ULK4: variants seen among roughly 807,000 people sequenced by gnomAD.
ULK4 encodes the protein unc-51 like kinase 4.
Under a neutral mutation model 160.6 loss-of-function variants are expected in ULK4, and 133 were observed. The observed-to-expected ratio is 0.83, with a 90% CI of 0.72 to 0.96. The LOEUF is 0.96. Ranked by LOEUF, ULK4 falls within the 40% of genes least tolerant of loss-of-function variation. ULK4 has a pLI of 0.00. For synonymous variants in ULK4, 534 were observed against 539.8 expected, an observed-to-expected ratio of 0.99 and a Z score of 0.15; for missense variants, 1,580 against 1,499.5, an observed-to-expected ratio of 1.05 and a Z score of -0.89.
At chr3:41,261,778 C>T (rs2078949236) in intron 35 of ULK4, among the ~76,000 whole-genome samples, 1 of 152,148 alleles carries the variant, frequency 6.6e-6, no homozygotes, top group Admixed American at 6.5e-5. Flanking sequence ...GTGTACTGTC[C>T]AGTAAGCTGT....
intron 20 of ULK4, among the ~76,000 whole-genome samples, chr3:41,790,535 A>G (rs1275560480): frequency 6.6e-6 from 1 of 152,244 alleles, no homozygotes; most frequent in Non-Finnish European, 1.5e-5. Flanking sequence ...AAGTCAACAA[A>G]AGGTACATAA....
In ULK4 at chr3:41,903,225, C is replaced by T. The variant is rs1254603255; in HGVS notation, c.1183-2396G>A. On this transcript the variant is annotated intron_variant, in intron 12 of 36. Coordinates refer to ENST00000301831, the MANE Select transcript of ULK4 (RefSeq NM_017886.4). Reference sequence around the variant, plus strand: ...GAAAGAGGTGGCCAAATTATCTTTACGTATAGATAATATAACTGAACATCC... The same window carrying T: ...GAAAGAGGTGGCCAAATTATCTTTATGTATAGATAATATAACTGAACATCC... Among the ~76,000 whole-genome samples, 11 of 152,128 alleles carry T rather than the reference C, an allele frequency of 7.2e-5. No homozygotes were observed. In the East Asian group the frequency reaches 1.9e-3, roughly 27 times the overall value.
intron 34 of ULK4, among the ~76,000 whole-genome samples, chr3:41,446,669 T>C (rs1464744061): frequency 2.2e-5 from 3 of 135,294 alleles, no homozygotes; most frequent in African/African-American, 8.5e-5. Context: ...TGGGTGTGAA[T>C]TGAACAATGA....
chr3:41,585,557 A>G (rs1158757218), intron 31 of ULK4, among the ~76,000 whole-genome samples: 1 of 152,232 alleles, frequency 6.6e-6, no homozygotes, highest in Admixed American at 6.5e-5. Flanking sequence ...CTCTAAAACG[A>G]TAAAACTTCT....
chr3:41,615,181 A>G (rs1223396369), intron 31 of ULK4, among the ~76,000 whole-genome samples: 1 of 152,144 alleles, frequency 6.6e-6, no homozygotes, highest in Non-Finnish European at 1.5e-5. Flanking sequence ...ATTAAATTGT[A>G]TTCTGTGAAC....
intron 18 of ULK4, among the ~76,000 whole-genome samples, chr3:41,829,137 A>C (rs201385281): frequency 0.23 from 34,234 of 145,820 alleles, 4,808 homozygotes; most frequent in African/African-American, 0.43. Context: ...CCTTACACAA[A>C]AATTAATTCA....
At chr3:41,704,463 C>G (rs1009490228) in intron 27 of ULK4, among the ~76,000 whole-genome samples, 1 of 152,212 alleles carries the variant, frequency 6.6e-6, no homozygotes, top group African/African-American at 2.4e-5. Context: ...GGCTCCTCTT[C>G]TGGGGACCTT....
chr3:41,622,266 T>C (rs1351345759), intron 30 of ULK4, among the ~76,000 whole-genome samples: 5 of 152,166 alleles, frequency 3.3e-5, no homozygotes, highest in African/African-American at 1.2e-4. Flanking sequence ...ACCCAAAGGA[T>C]TGTATATCAT....
At chr3:41,876,875 G>A (rs1432311937) in intron 17 of ULK4, among the ~76,000 whole-genome samples, 1 of 152,170 alleles carries the variant, frequency 6.6e-6, no homozygotes, top group Admixed American at 6.6e-5. Flanking sequence ...GTGATCAGGA[G>A]AGAGCACAAG....
At chr3:41,818,821 C>A (rs369565897) in intron 19 of ULK4, among the ~76,000 whole-genome samples, 13 of 152,206 alleles carry the variant, frequency 8.5e-5, no homozygotes, top group African/African-American at 2.7e-4. Context: ...AAATGCCAAC[C>A]TTTTAGGTTG....
intron 32 of ULK4, among the ~76,000 whole-genome samples, chr3:41,549,746 C>G (rs956649558): frequency 1.3e-5 from 2 of 151,752 alleles, no homozygotes; most frequent in African/African-American, 2.4e-5. Flanking sequence ...ACATTATAGT[C>G]AAACCGTCAA....
chr3:41,809,089 C>A (rs2040738659), intron 19 of ULK4, among the ~76,000 whole-genome samples: 1 of 151,088 alleles, frequency 6.6e-6, no homozygotes, highest in South Asian at 2.1e-4. Flanking sequence ...TAGCTTGAAC[C>A]CAGGAGGCTG....
At chr3:41,627,679 C>A (rs2033582727) in intron 30 of ULK4, among the ~76,000 whole-genome samples, 1 of 152,170 alleles carries the variant, frequency 6.6e-6, no homozygotes, top group South Asian at 2.1e-4. Context: ...AAAGTCCATG[C>A]CCTCAAACTC....
At chr3:41,774,318 A>G (rs2039520524) in intron 21 of ULK4, among the ~76,000 whole-genome samples, 1 of 150,456 alleles carries the variant, frequency 6.6e-6, no homozygotes, top group Non-Finnish European at 1.5e-5. Flanking sequence ...TTTGCAACCT[A>G]CTCATCTGAC....
At chr3:41,711,056 C>T (rs1327770763) in intron 25 of ULK4, among the ~76,000 whole-genome samples, 1 of 152,142 alleles carries the variant, frequency 6.6e-6, no homozygotes, top group Non-Finnish European at 1.5e-5. Context: ...GATGGGAAGA[C>T]AGACAAGCTC....
At chr3:41,488,633 C>A (rs2084632800) in intron 32 of ULK4, among the ~76,000 whole-genome samples, 1 of 152,132 alleles carries the variant, frequency 6.6e-6, no homozygotes, top group Non-Finnish European at 1.5e-5. Context: ...TGAAACTTAC[C>A]AATGTGCTAA....
chr3:41,807,237 T>G (rs953009607), intron 19 of ULK4, among the ~76,000 whole-genome samples: 2 of 152,116 alleles, frequency 1.3e-5, no homozygotes, highest in African/African-American at 4.8e-5. Context: ...AATCCTACAT[T>G]TATTTAACAA....
chr3:41,500,591 G>A (rs935425421), intron 32 of ULK4, among the ~76,000 whole-genome samples: 13 of 152,210 alleles, frequency 8.5e-5, no homozygotes, highest in Non-Finnish European at 1.3e-4. Context: ...CCCCTGGATC[G>A]AAGCCAAGTT....
intron 34 of ULK4, among the ~76,000 whole-genome samples, chr3:41,430,691 G>T (rs532406523): frequency 1.8e-4 from 28 of 152,292 alleles, no homozygotes; most frequent in Non-Finnish European, 2.6e-4. Context: ...TGCTGCATGG[G>T]AAAGGCCTCT....
Sources: allele counts gnomAD v4.1 joint callset (sites outside exome capture counted in the v4.1 genomes callset), GRCh38; gene constraint gnomAD v4.1.1; transcripts MANE v1.5; gene names NCBI Gene and HGNC (gene_info 2026-07-23, HGNC 2026-07-21).